LRIG3: variants seen among roughly 807,000 people sequenced by gnomAD.
LRIG3 encodes leucine-rich repeats and immunoglobulin-like domains protein 3.
In LRIG3, 76 loss-of-function variants were observed where a neutral mutation model predicts 114.5. The ratio of observed to expected loss-of-function variants is 0.66; its 90% CI spans 0.55 to 0.80. The LOEUF (loss-of-function observed/expected upper bound fraction) is 0.80, where lower values mean the gene tolerates loss of function less well. Ranked by LOEUF, LRIG3 falls within the 30% of genes least tolerant of loss-of-function variation. The pLI is 0.00. For missense variants in LRIG3, 1,239 were observed against 1,382.8 expected (o/e 0.90, Z 1.65); for synonymous variants, 512 against 519.8 (o/e 0.98, Z 0.20).
In LRIG3 at chr12:58,914,051, A is replaced by G. The variant is rs772315697; in HGVS notation, c.314T>C (p.Leu105Pro). The change falls in exon 3 of 19, where the codon CTG becomes CCG. Residue 105 changes from leucine (L) to proline (P), a missense_variant. Leu to Pro is a moderately conservative substitution (Grantham distance 98). Transcript: ENST00000320743. ...SHLQSLREVK[L>P]NNNELETIPN... ...AATGGTCTCCAATTCATTGTTGTTC[A>G]GTTTCCTACAAATGCCAAAAAAAAA... The G allele has an allele frequency of 5.6e-6, 9 of 1,603,348 alleles. No homozygotes were observed. Among genetic ancestry groups the G allele is most frequent in the Non-Finnish European group, 4.2e-6 (5 of 1,177,762 alleles).
rs1871323340 is a variant in LRIG3 at position 58,887,789 on chromosome 12, A to G, written c.1091T>C (p.Leu364Ser). The change falls in exon 8 of 19, where the codon TTG (leucine) becomes TCG (serine). Residue 364 changes from leucine (L) to serine (S), a missense_variant and splice_region_variant. Leu to Ser is a moderately radical substitution (Grantham distance 145). Coordinates refer to ENST00000320743, the MANE Select transcript of LRIG3 (RefSeq NM_153377.5). ...AFRGLSSLKT[L>S]DLKNNEISWT... is the part of the protein sequence containing the mutation. ...ACTGACAGCAAAACGTGTAACTTAC[A>G]AAGTCTTTAAACTGGAAAGCCCCCG... 1 of 1,613,052 alleles carries G rather than the reference A, an allele frequency of 6.2e-7. No individual in the cohort carries two copies. The highest frequency in any genetic ancestry group is 8.5e-7 in the Non-Finnish European group (1 of 1,179,486).
At chr12:58,906,554 T>C (rs1440752743) in intron 3 of LRIG3, among the ~76,000 whole-genome samples, 3 of 152,200 alleles carry the variant, frequency 2.0e-5, no homozygotes, top group African/African-American at 7.2e-5. Context: ...CGCTTATGAA[T>C]GAAATTCTCA....
Position 58,898,841 on chromosome 12 carries a change from T to G in LRIG3, c.384-8045A>C, listed in dbSNP as rs572070076. ...GCCCAGCTAATTTTTGTATTTTTAG[T>G]AGAGATGGAGTTTCACCATGTTGGC... On this transcript the variant is annotated intron_variant, in intron 3 of 18. Transcript: ENST00000320743. 1.2e-3 allele frequency among the ~76,000 whole-genome samples: 179 copies of G among 151,978 alleles called. 1 individual carries two copies. The Middle Eastern group carries it at 0.014, about 12-fold the overall frequency.
chr12:58,878,486 G>A (rs1232651893), intron 14 of LRIG3, among the ~76,000 whole-genome samples: 1 of 151,856 alleles, frequency 6.6e-6, no homozygotes, highest in Non-Finnish European at 1.5e-5. Context: ...TTTTTTTAAT[G>A]TTCTTTATGG....
chr12:58,878,246 G>C (rs1185608589), intron 14 of LRIG3, among the ~76,000 whole-genome samples: 1 of 152,126 alleles, frequency 6.6e-6, no homozygotes, highest in East Asian at 1.9e-4. Flanking sequence ...AAACTTTTTA[G>C]GGCCGGATGC....
In LRIG3 at chr12:58,872,404, G is replaced by A. The variant is rs1452983241; in HGVS notation, c.*168C>T. The stretch of plus-strand genomic sequence containing the variant: ...TATTCTTATATGAGCATCATTCCCA[G>A]TATAAAAATTTTCATAACTTTTTGT... On this transcript the variant is annotated 3_prime_UTR_variant, in exon 19 of 19. Coordinates refer to ENST00000320743, the MANE Select transcript of LRIG3 (RefSeq NM_153377.5). The A allele has an allele frequency of 6.8e-6, 4 of 586,088 alleles. No individual in the cohort carries two copies. Among genetic ancestry groups the A allele is most frequent in the African/African-American group, 1.9e-5 (1 of 52,530 alleles). 36.3% of individuals were successfully genotyped at this position (586,088 alleles called of 1,614,324 possible).
At position 58,889,108 on chromosome 12, in the gene LRIG3, G is replaced by C. The variant is rs866117504; in HGVS notation, c.660-146C>G. 14 of 781,418 alleles carry C rather than the reference G, an allele frequency of 1.8e-5. No individual in the cohort carries two copies. The Middle Eastern group carries it at 2.5e-3, about 140-fold the overall frequency. 48.4% of individuals were successfully genotyped at this position (781,418 alleles called of 1,614,324 possible). ...AGTTTCTAAACATTTTTATTGCAAA[G>C]AATTTCAATTTGTTAAGCAGGCAGT... On this transcript the variant is annotated intron_variant, in intron 5 of 18. Coordinates refer to ENST00000320743, the MANE Select transcript of LRIG3 (RefSeq NM_153377.5).
Position 58,873,215 on chromosome 12 carries a change from A to C in LRIG3, c.3116-399T>G, listed in dbSNP as rs375975701. The stretch of plus-strand genomic sequence containing the variant: ...GCTAAATAAAGAAATTTTCTTTCAA[A>C]ATAAACCTGTGTCCTGCCCTTTCTT... On this transcript the variant is annotated intron_variant, in intron 18 of 18. Coordinates refer to ENST00000320743, the MANE Select transcript of LRIG3 (RefSeq NM_153377.5). 3.3e-5 allele frequency among the ~76,000 whole-genome samples: 5 copies of C among 152,318 alleles called. No individual in the cohort carries two copies. The East Asian group carries it at 7.7e-4, about 24-fold the overall frequency.
intron 3 of LRIG3, among the ~76,000 whole-genome samples, chr12:58,907,351 T>C (rs1403631685): frequency 1.3e-5 from 2 of 152,216 alleles, no homozygotes; most frequent in Non-Finnish European, 1.5e-5. Flanking sequence ...TATAATTGAG[T>C]ACCCACCAAA....
At chr12:58,875,072 G>C (rs761710917) in intron 16 of LRIG3, among the ~76,000 whole-genome samples, 1 of 152,190 alleles carries the variant, frequency 6.6e-6, no homozygotes, top group Non-Finnish European at 1.5e-5. Flanking sequence ...TCACGATGAC[G>C]CATGTGTCTG....
At chr12:58,873,986 A>G (rs759467508) in intron 18 of LRIG3, 69 bp downstream of exon 18, 16 of 1,545,856 alleles carry the variant, frequency 1.0e-5, no homozygotes, top group Non-Finnish European at 1.4e-5. Flanking sequence ...CAAGGCTGTC[A>G]TTGCTCTCTC....
intron 1 of LRIG3, chr12:58,919,400 C>CA: frequency 6.4e-7 from 1 of 1,551,490 alleles, no homozygotes; most frequent in Non-Finnish European, 8.7e-7. Context: ...CCAGTCTTTA[C>CA]AATCTGGTTG....
At chr12:58,914,534 G>A (rs1872405393) in intron 1 of LRIG3, 198 bp from the exon 2 acceptor site, 2 of 545,044 alleles carry the variant, frequency 3.7e-6, no homozygotes, top group Middle Eastern at 4.8e-4. Context: ...TAGGGAGACT[G>A]GCAGATTCAA....
At chr12:58,919,606 TAACTC>T (rs1407536509) in intron 1 of LRIG3, 8 of 1,511,664 alleles carry the variant, frequency 5.3e-6, no homozygotes, top group Non-Finnish European at 7.1e-6. Context: ...ACCAGACTCA[TAACTC>T]AGCGAGAACT....
At position 58,874,483 on chromosome 12, in the gene LRIG3, A is replaced by C. The variant is rs757609618; in HGVS notation, c.2786T>G (p.Met929Arg). Reference sequence around the variant, plus strand: ...GCCATACACATTTCCCTTCAAATACATAGGGCCTGTGGATCCCAAAAACGG... The same window carrying C: ...GCCATACACATTTCCCTTCAAATACCTAGGGCCTGTGGATCCCAAAAACGG... ...LCPFLGSTGP[M>R]YLKGNVYGSD... The change falls in exon 17 of 19, where the codon ATG (methionine) becomes AGG (arginine). Residue 929 changes from methionine to arginine, a missense_variant. By Grantham distance (91) the Met-to-Arg change is moderately conservative (BLOSUM62 -1). Transcript: ENST00000320743. 6.2e-7 allele frequency: 1 copy of C among 1,614,216 alleles called. No homozygotes were observed. The highest frequency in any genetic ancestry group is 8.5e-7 in the Non-Finnish European group (1 of 1,180,016).
chr12:58,902,831 A>G (rs2120953086), intron 3 of LRIG3, among the ~76,000 whole-genome samples: 1 of 149,450 alleles, frequency 6.7e-6, no homozygotes, highest in South Asian at 2.1e-4. Flanking sequence ...TTGGTTTTTC[A>G]TCCTTGTGAT....
chr12:58,881,665 GA>G (rs568302197), intron 12 of LRIG3, among the ~76,000 whole-genome samples: 36 of 152,290 alleles, frequency 2.4e-4, no homozygotes, highest in African/African-American at 8.2e-4. Context: ...AACCCAGAAG[GA>G]AACATCTGAG....
intron 1 of LRIG3, among the ~76,000 whole-genome samples, chr12:58,916,646 T>C (rs1158082025): frequency 1.3e-5 from 2 of 152,174 alleles, no homozygotes; most frequent in African/African-American, 2.4e-5. Context: ...ATTAATAGCA[T>C]CTTCCCCACA....
At position 58,877,866 on chromosome 12, in the gene LRIG3, T is replaced by C. The variant is rs763675780; in HGVS notation, c.2084-14A>G. On this transcript the variant is annotated splice_polypyrimidine_tract_variant and intron_variant, in intron 14 of 18. Transcript: ENST00000320743. ...ATGATGGTGTTTCTGAAATAACAAGTTATGCTTTTAATTTCCCAAATAAAA... is the reference window on the plus strand; with the variant it reads ...ATGATGGTGTTTCTGAAATAACAAGCTATGCTTTTAATTTCCCAAATAAAA... 8 of 1,584,620 alleles carry C rather than the reference T, an allele frequency of 5.0e-6. No homozygotes were observed. Among genetic ancestry groups the C allele is most frequent in the Non-Finnish European group, 6.9e-6 (8 of 1,161,018 alleles).
Sources: allele counts gnomAD v4.1 joint callset (sites outside exome capture counted in the v4.1 genomes callset), GRCh38; gene constraint gnomAD v4.1.1; transcripts MANE v1.5; gene names NCBI Gene and HGNC (gene_info 2026-07-23, HGNC 2026-07-21).